SEMA3C: variants seen among roughly 807,000 people sequenced by gnomAD.
SEMA3C encodes the protein semaphorin-3C.
A neutral mutation model predicts 89.4 loss-of-function variants in SEMA3C; 47 were observed. That is an observed-to-expected ratio of 0.53 (90% CI 0.42 to 0.67). SEMA3C has a LOEUF of 0.67. Ranked by LOEUF, SEMA3C falls within the 30% of genes least tolerant of loss-of-function variation. SEMA3C has a pLI of 0.00. For synonymous variants in SEMA3C, 310 were observed against 320.2 expected, an observed-to-expected ratio of 0.97 and a Z score of 0.34; for missense variants, 839 against 929.1, an observed-to-expected ratio of 0.90 and a Z score of 1.26.
intron 5 of SEMA3C, among the ~76,000 whole-genome samples, chr7:80,811,635 TG>T (rs1789471508): frequency 6.6e-6 from 1 of 152,164 alleles, no homozygotes; most frequent in Admixed American, 6.5e-5. Flanking sequence ...AAAGTTATCC[TG>T]AAAGAAATAT....
chr7:80,893,145 T>C (rs1449215571), intron 2 of SEMA3C, among the ~76,000 whole-genome samples: 3 of 152,176 alleles, frequency 2.0e-5, no homozygotes, highest in Non-Finnish European at 4.4e-5. Context: ...CTTATTTATA[T>C]TGCTTTCCTT....
At chr7:80,773,924 G>A (rs1047431519) in intron 12 of SEMA3C, among the ~76,000 whole-genome samples, 7 of 152,186 alleles carry the variant, frequency 4.6e-5, no homozygotes, top group Non-Finnish European at 8.8e-5. Context: ...AGAAAAGCTG[G>A]ATGAAGTTGT....
chr7:80,846,555 T>A (rs773490280), intron 2 of SEMA3C, among the ~76,000 whole-genome samples: 5 of 152,080 alleles, frequency 3.3e-5, no homozygotes, highest in Non-Finnish European at 7.3e-5. Context: ...GGTCTAGAAC[T>A]CTTGGCCTCA....
intron 2 of SEMA3C, among the ~76,000 whole-genome samples, chr7:80,836,714 A>AC (rs1415148478): frequency 6.6e-6 from 1 of 151,666 alleles, no homozygotes; most frequent in Non-Finnish European, 1.5e-5. Context: ...AAACAAACAA[A>AC]AACAGACAGA....
At chr7:80,780,398 C>T (rs781493818) in intron 12 of SEMA3C, among the ~76,000 whole-genome samples, 26 of 152,078 alleles carry the variant, frequency 1.7e-4, no homozygotes, top group Non-Finnish European at 2.9e-4. Flanking sequence ...AGAAAGAGCT[C>T]TAGAACATAA....
intron 2 of SEMA3C, among the ~76,000 whole-genome samples, chr7:80,872,328 T>C (rs1791079923): frequency 6.6e-6 from 1 of 151,950 alleles, no homozygotes; most frequent in Non-Finnish European, 1.5e-5. Context: ...TTTTTTTCTA[T>C]TTTTAGTAGA....
At chr7:80,852,026 T>A (rs1790526809) in intron 2 of SEMA3C, among the ~76,000 whole-genome samples, 1 of 152,238 alleles carries the variant, frequency 6.6e-6, no homozygotes, top group Admixed American at 6.5e-5. Context: ...CTTCTCTAAA[T>A]GCCTGAGCTT....
chr7:80,887,079 G>A (rs1791501093), intron 2 of SEMA3C, among the ~76,000 whole-genome samples: 1 of 152,068 alleles, frequency 6.6e-6, no homozygotes, highest in Non-Finnish European at 1.5e-5. Context: ...ACCAGGGAGT[G>A]AAATTAAAAT....
At chr7:80,798,978 A>T (rs1267416357) in intron 10 of SEMA3C, among the ~76,000 whole-genome samples, 1 of 152,234 alleles carries the variant, frequency 6.6e-6, no homozygotes, top group Non-Finnish European at 1.5e-5. Flanking sequence ...ATTGTTAATC[A>T]TTAGTATCAA....
intron 12 of SEMA3C, among the ~76,000 whole-genome samples, chr7:80,780,709 C>T (rs1562872231): frequency 1.3e-5 from 2 of 152,004 alleles, no homozygotes; most frequent in Non-Finnish European, 2.9e-5. Flanking sequence ...CGTGCAGAAA[C>T]CCCATCTCTA....
intron 2 of SEMA3C, among the ~76,000 whole-genome samples, chr7:80,861,789 T>C (rs1790777980): frequency 6.6e-6 from 1 of 152,196 alleles, no homozygotes; most frequent in African/African-American, 2.4e-5. Flanking sequence ...TGGTTTAACA[T>C]ATGCAAGTCA....
At position 80,818,605 on chromosome 7, in the gene SEMA3C, C is replaced by T. The variant is rs186273677; in HGVS notation, c.328-187G>A. Reference sequence around the variant, plus strand: ...ACACTGGAAGAAGAATTGTCTTGGGCCACACATAAAATACGCTAACACTAA... The same window carrying T: ...ACACTGGAAGAAGAATTGTCTTGGGTCACACATAAAATACGCTAACACTAA... On this transcript the variant is annotated intron_variant, in intron 4 of 17. Coordinates refer to ENST00000265361, the MANE Select transcript of SEMA3C (RefSeq NM_006379.5). 5.2e-4 allele frequency among the ~76,000 whole-genome samples: 79 copies of T among 152,048 alleles called. 1 individual carries two copies. The highest frequency in any genetic ancestry group is 8.5e-4 in the Non-Finnish European group (58 of 67,988).
rs1787775730 is a variant in SEMA3C at position 80,745,296 on chromosome 7, A to C, written c.1854T>G (p.Asn618Lys). ...CCTGTGAAGTGGCTATTATTCGTTC[A>C]TTCAGCTTAACCTAAAAGAGAGACA... ...DKDRRKEVKL[N>K]ERIIATSQGL... Residue 618 changes from asparagine (N) to lysine (K), a missense_variant, in exon 18 of 18, where the codon AAT (asparagine) becomes AAG (lysine). Coordinates refer to ENST00000265361, the MANE Select transcript of SEMA3C (RefSeq NM_006379.5). 6.2e-7 allele frequency: 1 copy of C among 1,613,166 alleles called. No homozygotes were observed. Among genetic ancestry groups the C allele is most frequent in the Non-Finnish European group, 8.5e-7 (1 of 1,179,878 alleles).
intron 2 of SEMA3C, among the ~76,000 whole-genome samples, chr7:80,881,421 T>C (rs1013520834): frequency 5.3e-5 from 8 of 152,180 alleles, no homozygotes; most frequent in African/African-American, 1.9e-4. Context: ...ATCACTAACA[T>C]AGCAACACTA....
At chr7:80,769,864 CAAAAAAA>C (rs1293174938) in intron 12 of SEMA3C, among the ~76,000 whole-genome samples, 13 of 46,682 alleles carry the variant, frequency 2.8e-4, no homozygotes, top group African/African-American at 1.2e-3. Flanking sequence ...GTCCCCCCCC[CAAAAAAA>C]AAAAAAAAAA....
intron 8 of SEMA3C, among the ~76,000 whole-genome samples, chr7:80,803,135 T>A (rs1400912012): frequency 2.6e-5 from 4 of 152,316 alleles, no homozygotes; most frequent in East Asian, 1.9e-4. Context: ...AATTTGAACA[T>A]AAATTATTAT....
chr7:80,776,160 C>T (rs1193429097), intron 12 of SEMA3C, among the ~76,000 whole-genome samples: 1 of 151,862 alleles, frequency 6.6e-6, no homozygotes, highest in Non-Finnish European at 1.5e-5. Context: ...TGTACAAGAC[C>T]GTGCTCTACA....
chr7:80,890,624 T>G (rs2116146738), intron 2 of SEMA3C, among the ~76,000 whole-genome samples: 1 of 152,250 alleles, frequency 6.6e-6, no homozygotes, highest in East Asian at 1.9e-4. Flanking sequence ...TTTCCCCAAC[T>G]GGCTTGACAC....
intron 16 of SEMA3C, among the ~76,000 whole-genome samples, 175 bp downstream of exon 16, chr7:80,751,094 T>A (rs779383077): frequency 5.9e-5 from 9 of 152,154 alleles, no homozygotes; most frequent in Non-Finnish European, 1.2e-4. Context: ...CGATTCTCAG[T>A]ATACATACAA....
Sources: gnomAD v4.1 joint callset for allele counts (sites outside exome capture counted in the v4.1 genomes callset) on GRCh38, gnomAD v4.1.1 for gene constraint, MANE v1.5 for transcripts, NCBI Gene and HGNC (gene_info 2026-07-23, HGNC 2026-07-21) for gene names.